The following ZFYVE9 variants were observed in gnomAD, a reference collection of about 807,000 sequenced individuals.
The protein encoded by ZFYVE9 is zinc finger FYVE-type containing 9.
Under a neutral mutation model 126.7 loss-of-function variants are expected in ZFYVE9, and 43 were observed. The ratio of observed to expected loss-of-function variants is 0.34; its 90% CI spans 0.27 to 0.44. ZFYVE9 has a LOEUF of 0.44. Among genes scored for constraint, ZFYVE9 ranks in the 20% least tolerant of loss-of-function variants. The probability of loss-of-function intolerance (pLI) is 1.00; values close to 1 mark genes in which losing one functional copy is unlikely to be tolerated. For missense variants in ZFYVE9, 1,476 were observed against 1,697.0 expected, an observed-to-expected ratio of 0.87 and a Z score of 2.29; for synonymous variants, 521 against 597.4, an observed-to-expected ratio of 0.87 and a Z score of 1.87.
chr1:52,297,719 ATTTTG>A (rs199968804), intron 12 of ZFYVE9, among the ~76,000 whole-genome samples: 5 of 134,056 alleles, frequency 3.7e-5, no homozygotes, highest in African/African-American at 1.6e-4. Context: ...TCTTTAAAAA[ATTTTG>A]TTTTGTTTTG....
At chr1:52,195,763 A>G (rs914480099) in intron 1 of ZFYVE9, among the ~76,000 whole-genome samples, 1 of 152,098 alleles carries the variant, frequency 6.6e-6, no homozygotes, top group African/African-American at 2.4e-5. Flanking sequence ...ATAGCATTAA[A>G]AGATACATGA....
chr1:52,171,020 CTTTAAG>C (rs1165913785), intron 1 of ZFYVE9, among the ~76,000 whole-genome samples: 1 of 150,412 alleles, frequency 6.6e-6, no homozygotes, highest in Non-Finnish European at 1.5e-5. Context: ...TTTAATTATA[CTTTAAG>C]TTTTAGGGTA....
intron 2 of ZFYVE9, among the ~76,000 whole-genome samples, chr1:52,222,586 C>T (rs1645133500): frequency 6.6e-6 from 1 of 152,192 alleles, no homozygotes; most frequent in Non-Finnish European, 1.5e-5. Flanking sequence ...TATAAGGGGG[C>T]ATACAGGGTT....
At chr1:52,168,212 T>G (rs559747493) in intron 1 of ZFYVE9, among the ~76,000 whole-genome samples, 20 of 143,630 alleles carry the variant, frequency 1.4e-4, no homozygotes, top group African/African-American at 3.0e-4. Context: ...CCTCTTCGTC[T>G]TCTTTTTTTT....
In ZFYVE9 at chr1:52,302,637, G is replaced by A. The variant is rs141850390; in HGVS notation, c.3334-1184G>A. Reference sequence around the variant, plus strand: ...CTGGTGGTGCATTCCTGTAATCCCAGCTACTTGGGAGGCTGAGGCAGTAGA... The same window carrying A: ...CTGGTGGTGCATTCCTGTAATCCCAACTACTTGGGAGGCTGAGGCAGTAGA... On this transcript the variant is annotated intron_variant, in intron 12 of 18. Transcript: ENST00000287727. 3.9e-3 allele frequency among the ~76,000 whole-genome samples: 599 copies of A among 152,102 alleles called. 3 individuals are homozygous for A. Among genetic ancestry groups the A allele is most frequent in the African/African-American group, 0.014 (571 of 41,500 alleles).
chr1:52,190,317 G>A (rs1386378016), intron 1 of ZFYVE9: 3 of 152,216 alleles, frequency 2.0e-5, no homozygotes, highest in Admixed American at 6.5e-5. Context: ...CATTCTTGCA[G>A]TGGATGTGGC....
rs1306576560 is a variant in ZFYVE9 at position 52,306,372 on chromosome 1, C to T, written c.3438+2447C>T. Among the ~76,000 whole-genome samples the T allele has an allele frequency of 2.0e-5, 3 of 152,254 alleles. No homozygotes were observed. The East Asian group carries it at 5.8e-4, about 29-fold the overall frequency. On this transcript the variant is annotated intron_variant, in intron 13 of 18. Coordinates refer to ENST00000287727, the MANE Select transcript of ZFYVE9 (RefSeq NM_004799.4). ...AGCTGCTCACTCCAGGGCCGCCTCT[C>T]TGCTGAGAGCTGAATACTCGATTTG...
chr1:52,254,685 G>A (rs1645486600), intron 4 of ZFYVE9, among the ~76,000 whole-genome samples: 1 of 152,102 alleles, frequency 6.6e-6, no homozygotes, highest in African/African-American at 2.4e-5. Context: ...TTGGATAATG[G>A]GCCAGGTGTG....
At chr1:52,255,545 A>G (rs908023675) in intron 4 of ZFYVE9, among the ~76,000 whole-genome samples, 2 of 148,052 alleles carry the variant, frequency 1.4e-5, no homozygotes, top group African/African-American at 5.0e-5. Flanking sequence ...AGATCGCACC[A>G]TTGCACTCCA....
intron 1 of ZFYVE9, among the ~76,000 whole-genome samples, chr1:52,152,701 T>G (rs778282417): frequency 1.1e-4 from 17 of 152,308 alleles, no homozygotes; most frequent in Non-Finnish European, 1.6e-4. Context: ...TCCTTTCACT[T>G]TGTGATCTTG....
At chr1:52,252,451 C>G (rs1165808898) in intron 4 of ZFYVE9, among the ~76,000 whole-genome samples, 1 of 152,186 alleles carries the variant, frequency 6.6e-6, no homozygotes, top group African/African-American at 2.4e-5. Flanking sequence ...CCTCTGCCTC[C>G]TGGGTTCAAG....
chr1:52,197,166 A>G (rs1644868308), intron 1 of ZFYVE9, among the ~76,000 whole-genome samples: 1 of 152,196 alleles, frequency 6.6e-6, no homozygotes, highest in Non-Finnish European at 1.5e-5. Flanking sequence ...GGATGAAGGT[A>G]GTAGTTGTAG....
At chr1:52,235,098 A>C (rs376982621) in intron 3 of ZFYVE9, among the ~76,000 whole-genome samples, 1 of 152,162 alleles carries the variant, frequency 6.6e-6, no homozygotes, top group Non-Finnish European at 1.5e-5. Context: ...GCAATTGCTT[A>C]CAGAATAATA....
At chr1:52,206,541 GTTGTT>G (rs1414628337) in intron 1 of ZFYVE9, among the ~76,000 whole-genome samples, 3 of 152,088 alleles carry the variant, frequency 2.0e-5, no homozygotes, top group South Asian at 4.2e-4. Context: ...TGTTGTTGTT[GTTGTT>G]TTGTTTTGTT....
chr1:52,144,317 CA>C (rs200181481), intron 1 of ZFYVE9, among the ~76,000 whole-genome samples: 1,518 of 143,842 alleles, frequency 0.011, 13 homozygotes, highest in Non-Finnish European at 0.016. Flanking sequence ...GACTCCATCT[CA>C]AAAAAAAAAA....
chr1:52,178,148 T>A (rs1325090468), intron 1 of ZFYVE9, among the ~76,000 whole-genome samples: 1 of 151,250 alleles, frequency 6.6e-6, no homozygotes, highest in Admixed American at 6.6e-5. Context: ...GTGTGGTGGC[T>A]GGCGCCTGTA....
At chr1:52,274,405 T>C in intron 7 of ZFYVE9, 59 bp from the exon 8 acceptor site, 2 of 1,491,854 alleles carry the variant, frequency 1.3e-6, no homozygotes, top group South Asian at 1.4e-5. Flanking sequence ...TTTTTAATTA[T>C]GTCCTGCCAA....
intron 7 of ZFYVE9, among the ~76,000 whole-genome samples, chr1:52,271,655 T>C (rs867362961): frequency 4.6e-5 from 7 of 152,148 alleles, no homozygotes; most frequent in Non-Finnish European, 7.3e-5. Flanking sequence ...TAGGTTAGAA[T>C]AGATTATTTT....
At chr1:52,178,236 G>A (rs1213469859) in intron 1 of ZFYVE9, among the ~76,000 whole-genome samples, 10 of 118,320 alleles carry the variant, frequency 8.5e-5, no homozygotes, top group South Asian at 3.0e-4. Context: ...CCCAGATCCC[G>A]CCACTGCACT....
Sources: gnomAD v4.1 joint callset for allele counts (sites outside exome capture counted in the v4.1 genomes callset) on GRCh38, gnomAD v4.1.1 for gene constraint, MANE v1.5 for transcripts, NCBI Gene and HGNC (gene_info 2026-07-23, HGNC 2026-07-21) for gene names.